The following CHD2 variants were observed in gnomAD, a reference collection of about 807,000 sequenced individuals.
CHD2 encodes chromodomain helicase DNA binding protein 2.
Under a neutral mutation model 243.9 loss-of-function variants are expected in CHD2, and 28 were observed. The ratio of observed to expected loss-of-function variants is 0.11; its 90% CI spans 0.09 to 0.16. The LOEUF (loss-of-function observed/expected upper bound fraction) is 0.16, where lower values mean the gene tolerates loss of function less well. CHD2 is among the 10% of genes least tolerant of loss of function. The pLI, the probability that CHD2 is intolerant of heterozygous loss-of-function variation, is 1.00. For missense variants in CHD2, 1,386 were observed against 2,209.8 expected (o/e 0.63, Z 7.47); for synonymous variants, 775 against 779.0 (o/e 0.99, Z 0.09).
chr15:93,009,289 T>G lies in CHD2; in HGVS notation c.4558T>G (p.Tyr1520Asp). 6.2e-7 allele frequency: 1 copy of G among 1,614,226 alleles called. No individual in the cohort carries two copies. The highest frequency in any genetic ancestry group is 8.5e-7 in the Non-Finnish European group (1 of 1,180,026). ...CCGGATAGCCGAGTGCCTTAAAGCCTACTCAGATCAGGAGCACATCAAACT... is the reference window on the plus strand; with the variant it reads ...CCGGATAGCCGAGTGCCTTAAAGCCGACTCAGATCAGGAGCACATCAAACT... ...GDRIAECLKA[Y>D]SDQEHIKLWR... is the part of the protein sequence containing the mutation. Residue 1520 changes from tyrosine (Y) to aspartate (D), a missense_variant, in exon 35 of 39, where the codon TAC (tyrosine) becomes GAC (aspartate). By Grantham distance (160) the Tyr-to-Asp change is radical. This residue lies in a region of CHD2 where 42 missense variants were observed against 47.6 expected (regional missense o/e 0.88). Coordinates refer to ENST00000394196, the MANE Select transcript of CHD2 (RefSeq NM_001271.4).
chr15:93,010,031 C>T (rs151291219), intron 35 of CHD2, among the ~76,000 whole-genome samples: 3 of 152,322 alleles, frequency 2.0e-5, no homozygotes, highest in African/African-American at 7.2e-5. Flanking sequence ...CCTCAGCCCC[C>T]TTCCCCCCAG....
chr15:92,923,939 G>T (rs1234678929), intron 2 of CHD2, among the ~76,000 whole-genome samples: 2 of 152,038 alleles, frequency 1.3e-5, no homozygotes, highest in African/African-American at 4.8e-5. Context: ...ATAAGACTTC[G>T]TGGATTCATA....
At position 93,027,836 on chromosome 15, in the gene CHD2, T is replaced by TGTTTA. The variant is rs1405712137; in HGVS notation, c.*3131_*3132insGTTTA. The TGTTTA allele has an allele frequency of 2.0e-5, 3 of 152,700 alleles. No individual in the cohort carries two copies. Among genetic ancestry groups the TGTTTA allele is most frequent in the Non-Finnish European group, 2.9e-5 (2 of 68,050 alleles). The allele number at this position is 152,700 out of a possible 1,614,324, so 9.5% of individuals were successfully genotyped here. ...TTGTGGACTTTTAAAACCTGTTGAC[T>TGTTTA]AAACAGTAATTAATTTATATTTGTG... On this transcript the variant is annotated 3_prime_UTR_variant, in exon 39 of 39. Transcript: ENST00000394196.
At chr15:92,977,115 G>T (rs1297033269) in intron 20 of CHD2, among the ~76,000 whole-genome samples, 1 of 152,052 alleles carries the variant, frequency 6.6e-6, no homozygotes, top group Non-Finnish European at 1.5e-5. Context: ...TTTGACTCCA[G>T]ATTTCATTTG....
intron 10 of CHD2, 140 bp downstream of exon 10, chr15:92,944,655 G>T (rs988735974): frequency 2.5e-6 from 1 of 406,004 alleles, no homozygotes. Context: ...AAGCTAAGAA[G>T]ATTTGCTGGT....
chr15:92,926,372 G>A (rs2053061980), intron 3 of CHD2, among the ~76,000 whole-genome samples: 1 of 152,130 alleles, frequency 6.6e-6, no homozygotes, highest in Admixed American at 6.5e-5. Context: ...CCTGTAATTT[G>A]ATAACCCATA....
At chr15:92,934,638 A>G (rs1313505844) in intron 5 of CHD2, among the ~76,000 whole-genome samples, 1 of 152,210 alleles carries the variant, frequency 6.6e-6, no homozygotes, top group Non-Finnish European at 1.5e-5. Flanking sequence ...AGCCTTATAC[A>G]TCTGTAGGGT....
rs28718102 is a variant in CHD2 at position 92,908,556 on chromosome 15, G to C, written c.62+7257G>C. ...TCTAGTTAATTTTTAAAAGCTCTCT[G>C]TGTTTCAAATTTGCATGTGTTTCTG... On this transcript the variant is annotated intron_variant, in intron 2 of 38. Transcript: ENST00000394196. Among the ~76,000 whole-genome samples the C allele has an allele frequency of 9.3e-3, 1,410 of 152,224 alleles. 19 individuals carry two copies. Among genetic ancestry groups the C allele is most frequent in the African/African-American group, 0.029 (1,214 of 41,534 alleles).
chr15:92,974,786 G>A, intron 19 of CHD2, 93 bp from the exon 20 acceptor site: 1 of 1,100,314 alleles, frequency 9.1e-7, no homozygotes, highest in Non-Finnish European at 1.4e-6. Context: ...TACTCAGTGG[G>A]TGTTCAGGTG....
Position 92,998,426 on chromosome 15 carries a change from T to C in CHD2, c.3886-73T>C. 6.3e-7 allele frequency: 1 copy of C among 1,581,620 alleles called. No homozygotes were observed. The highest frequency in any genetic ancestry group is 1.1e-5 in the South Asian group (1 of 88,126). ...GGAAAGGACTGTGCTCAGTTTTTGT[T>C]GTCTCTGTTTATCCTGATCCACTAA... On this transcript the variant is annotated intron_variant, in intron 30 of 38. Coordinates refer to ENST00000394196, the MANE Select transcript of CHD2 (RefSeq NM_001271.4). The surrounding 1 kb of genome is among the most constrained non-coding windows in gnomAD (Gnocchi z 5.1).
intron 2 of CHD2, among the ~76,000 whole-genome samples, chr15:92,910,544 C>T (rs1357755045): frequency 6.6e-6 from 1 of 152,090 alleles, no homozygotes; most frequent in Non-Finnish European, 1.5e-5. Flanking sequence ...AGGCGTTTGC[C>T]ACCATACACC....
At chr15:92,904,403 G>C (rs542964584) in intron 2 of CHD2, 120 of 963,176 alleles carry the variant, frequency 1.2e-4, no homozygotes, top group Admixed American at 6.1e-4. Flanking sequence ...GGCTCCCCTG[G>C]GGGGCGGGGA....
At chr15:92,994,014 T>G (rs1228342635) in intron 28 of CHD2, among the ~76,000 whole-genome samples, 1 of 152,168 alleles carries the variant, frequency 6.6e-6, no homozygotes, top group Non-Finnish European at 1.5e-5. Context: ...AATGAAGTTA[T>G]TATCATTCTA....
intron 5 of CHD2, 131 bp from the exon 6 acceptor site, chr15:92,937,387 A>G (rs758158566): frequency 1.9e-4 from 116 of 617,756 alleles, no homozygotes; most frequent in Non-Finnish European, 3.1e-4. Context: ...TGGAGCTAGA[A>G]TCTCTTTTAG....
intron 2 of CHD2, among the ~76,000 whole-genome samples, chr15:92,912,615 C>CCT (rs1256350244): frequency 6.6e-6 from 1 of 152,218 alleles, no homozygotes; most frequent in African/African-American, 2.4e-5. Context: ...CTCACTGCAG[C>CCT]CTCCACCTCC....
intron 2 of CHD2, among the ~76,000 whole-genome samples, chr15:92,917,784 C>T (rs2052870597): frequency 6.6e-6 from 1 of 152,158 alleles, no homozygotes; most frequent in African/African-American, 2.4e-5. Context: ...ATATCTTACA[C>T]ACGCACATAC....
rs1469100784 is a variant in CHD2, at chr15:92,904,782, C to A, written c.62+3483C>A. ...TACCTTAGCGTCCCTTCTCCCCGCC[C>A]CCGTTCAGTGTGAAGAGATGAGTGG... On this transcript the variant is annotated intron_variant, in intron 2 of 38. Transcript: ENST00000394196. 5.7e-6 allele frequency: 8 copies of A among 1,413,358 alleles called. No homozygotes were observed. In the African/African-American group the frequency reaches 1.0e-4, roughly 18 times the overall value. 87.6% of individuals were successfully genotyped at this position (1,413,358 alleles called of 1,614,324 possible). A position where few individuals can be genotyped will look rare whatever the true frequency, so the allele number is the denominator to read the frequency against.
intron 28 of CHD2, among the ~76,000 whole-genome samples, chr15:92,994,113 T>A (rs1183607984): frequency 8.5e-5 from 13 of 152,228 alleles, no homozygotes; most frequent in Non-Finnish European, 1.9e-4. Context: ...GCAGCTTTGT[T>A]GAGCTGTGGT....
intron 38 of CHD2, among the ~76,000 whole-genome samples, chr15:93,024,144 TAATTTTTCAA>T (rs2054565499): frequency 7.5e-6 from 1 of 133,826 alleles, no homozygotes; most frequent in Non-Finnish European, 1.6e-5. Context: ...AAGCCATCAG[TAATTTTTCAA>T]GTGTGTACTT....
Sources: allele counts gnomAD v4.1 joint callset (sites outside exome capture counted in the v4.1 genomes callset), GRCh38; gene constraint gnomAD v4.1.1; regional missense constraint gnomAD v4.1.1; non-coding constraint Gnocchi (gnomAD v3.1); transcripts MANE v1.5; gene names NCBI Gene and HGNC (gene_info 2026-07-23, HGNC 2026-07-21).